Variants in EPSTI1 observed in about 807,000 individuals in gnomAD.
EPSTI1 encodes epithelial stromal interaction 1.
Under a neutral mutation model 49.9 loss-of-function variants are expected in EPSTI1, and 66 were observed. The observed-to-expected ratio is 1.32, with a 90% CI of 1.08 to 1.62. The LOEUF (loss-of-function observed/expected upper bound fraction) is 1.62, where lower values mean the gene tolerates loss of function less well. EPSTI1 is among the 40% of genes most tolerant of loss of function. The pLI, the probability that EPSTI1 is intolerant of heterozygous loss-of-function variation, is 0.00. For missense variants in EPSTI1, 394 were observed against 365.5 expected, an observed-to-expected ratio of 1.08 and a Z score of -0.64; for synonymous variants, 137 against 130.7, an observed-to-expected ratio of 1.05 and a Z score of -0.33.
intron 6 of EPSTI1, among the ~76,000 whole-genome samples, chr13:42,946,676 G>C (rs1414084304): frequency 6.6e-6 from 1 of 152,198 alleles, no homozygotes; most frequent in Admixed American, 6.5e-5. Flanking sequence ...TCTCTGAGCT[G>C]TCTGTCCCAC....
At chr13:42,982,936 C>A (rs965486259) in intron 1 of EPSTI1, among the ~76,000 whole-genome samples, 2 of 152,182 alleles carry the variant, frequency 1.3e-5, no homozygotes, top group Non-Finnish European at 2.9e-5. Context: ...CTAAGCTTCC[C>A]CAGTTTATGT....
intron 3 of EPSTI1, among the ~76,000 whole-genome samples, chr13:42,965,616 G>A (rs571271594): frequency 1.6e-4 from 25 of 151,998 alleles, no homozygotes; most frequent in African/African-American, 6.0e-4. Flanking sequence ...TGTGTTTTGA[G>A]GAAGGAGAAA....
intron 10 of EPSTI1, among the ~76,000 whole-genome samples, chr13:42,890,299 T>TTCTTTC (rs1161007490): frequency 6.3e-5 from 8 of 126,874 alleles, no homozygotes; most frequent in African/African-American, 2.3e-4. Flanking sequence ...TTCTTTTCTT[T>TTCTTTC]TTTTTTTTTT....
intron 6 of EPSTI1, among the ~76,000 whole-genome samples, chr13:42,951,151 C>T (rs142906491): frequency 0.019 from 2,826 of 149,334 alleles, 106 homozygotes; most frequent in African/African-American, 0.064. Flanking sequence ...AGCAAGACTC[C>T]ATTTCCAAAA....
intron 1 of EPSTI1, among the ~76,000 whole-genome samples, chr13:42,987,226 T>C (rs1337571339): frequency 1.3e-5 from 2 of 152,100 alleles, no homozygotes; most frequent in Non-Finnish European, 2.9e-5. Flanking sequence ...GGCAGTTTTG[T>C]GGGACTGAGC....
At chr13:42,941,068 G>C (rs192251159) in intron 6 of EPSTI1, among the ~76,000 whole-genome samples, 4 of 151,730 alleles carry the variant, frequency 2.6e-5, no homozygotes, top group East Asian at 1.9e-4. Context: ...AAATTTTTAC[G>C]TACTTAAAGC....
At chr13:42,965,490 G>C (rs2039578185) in intron 3 of EPSTI1, among the ~76,000 whole-genome samples, 1 of 152,122 alleles carries the variant, frequency 6.6e-6, no homozygotes, top group South Asian at 2.1e-4. Context: ...TCTGCAAGGA[G>C]GTAACTGAAA....
chr13:42,978,109 C>CG (rs1479098353), intron 1 of EPSTI1, among the ~76,000 whole-genome samples: 3 of 151,642 alleles, frequency 2.0e-5, no homozygotes, highest in African/African-American at 7.3e-5. Context: ...GCCAAGATCA[C>CG]GCCACTGCAC....
chr13:42,992,232 G>A lies in EPSTI1; in HGVS notation c.-67C>T. The A allele has an allele frequency of 6.9e-7, 1 of 1,452,856 alleles. No homozygotes were observed. Among genetic ancestry groups the A allele is most frequent in the Non-Finnish European group, 9.1e-7 (1 of 1,096,234 alleles). 90.0% of individuals were successfully genotyped at this position (1,452,856 alleles called of 1,614,324 possible). Reference sequence around the variant, plus strand: ...GGGATGCGGCTGGGACGCTTAGCGAGTCTCAAGATGGGATTCCAAAGTGCA... The same window carrying A: ...GGGATGCGGCTGGGACGCTTAGCGAATCTCAAGATGGGATTCCAAAGTGCA... On this transcript the variant is annotated 5_prime_UTR_variant, in exon 1 of 11. Transcript: ENST00000313624.
chr13:42,895,019 C>T lies in EPSTI1; in HGVS notation c.905G>A (p.Gly302Asp), dbSNP rs1205700186. 1.9e-6 allele frequency: 3 copies of T among 1,611,070 alleles called. No homozygotes were observed. The highest frequency in any genetic ancestry group is 3.4e-5 in the Admixed American group (2 of 59,694). The change falls in exon 10 of 11, where the codon GGT becomes GAT. Residue 302 changes from glycine to aspartate, a missense_variant. Gly to Asp is a moderately conservative substitution (Grantham distance 94). Coordinates refer to ENST00000313624, the MANE Select transcript of EPSTI1 (RefSeq NM_033255.5). ...QSGGCWNMNS[G>D]NSWGI ...AAAGAAAAAACTCACCCAGCTGTTA[C>T]CGCTATTCATATTCCAACAGCCTCC... is the stretch of plus-strand genomic sequence containing the variant.
rs1555262218 is a variant in EPSTI1 at position 42,927,012 on chromosome 13, C to CACACAA, written c.564-584_564-583insTTGTGT. On this transcript the variant is annotated intron_variant, in intron 6 of 10. Coordinates refer to ENST00000313624, the MANE Select transcript of EPSTI1 (RefSeq NM_033255.5). The stretch of plus-strand genomic sequence containing the variant: ...ACAGACACACACACACACACACACA[C>CACACAA]ACACACACACACACACAGTCCTTTG... Among the ~76,000 whole-genome samples, 29 of 151,736 alleles carry CACACAA rather than the reference C, an allele frequency of 1.9e-4. No individual in the cohort carries two copies. The East Asian group carries it at 4.5e-3, about 23-fold the overall frequency.
intron 8 of EPSTI1, among the ~76,000 whole-genome samples, chr13:42,909,876 G>T (rs1241809291): frequency 6.6e-6 from 1 of 152,058 alleles, no homozygotes; most frequent in Non-Finnish European, 1.5e-5. Flanking sequence ...GTACAGCAAG[G>T]TTAATGACAG....
intron 6 of EPSTI1, among the ~76,000 whole-genome samples, chr13:42,949,506 C>A (rs2039028673): frequency 6.6e-6 from 1 of 151,004 alleles, no homozygotes; most frequent in South Asian, 2.1e-4. Context: ...CGGGAGAAAT[C>A]GCCTGAACCC....
rs547346240 is a variant in EPSTI1, at chr13:42,905,208, G to A, written c.742-4825C>T. ...AGAGCAACATACATCATCCTATTAC[G>A]GAGGCAAGGAAAGGGGAGAAGAGAT... On this transcript the variant is annotated intron_variant, in intron 8 of 10. Transcript: ENST00000313624. Among the ~76,000 whole-genome samples the A allele has an allele frequency of 1.3e-4, 20 of 152,200 alleles. 1 individual carries two copies. The highest frequency in any genetic ancestry group is 2.6e-4 in the African/African-American group (11 of 41,524).
At chr13:42,933,199 T>G (rs1472243181) in intron 6 of EPSTI1, among the ~76,000 whole-genome samples, 3 of 152,122 alleles carry the variant, frequency 2.0e-5, no homozygotes, top group Non-Finnish European at 4.4e-5. Flanking sequence ...TTGATCATTG[T>G]ACTATGGTTG....
At chr13:42,905,735 C>T (rs138844232) in intron 8 of EPSTI1, among the ~76,000 whole-genome samples, 1 of 152,220 alleles carries the variant, frequency 6.6e-6, no homozygotes, top group African/African-American at 2.4e-5. Context: ...ACAGCTCCAC[C>T]CTGAAATAAA....
chr13:42,914,663 A>T (rs1036611901), intron 8 of EPSTI1, among the ~76,000 whole-genome samples: 19 of 152,318 alleles, frequency 1.2e-4, no homozygotes, highest in Admixed American at 3.9e-4. Context: ...GTCTTTTTTT[A>T]AATTTGCTAG....
chr13:42,888,220 C>T lies in EPSTI1; in HGVS notation c.*274G>A. The T allele has an allele frequency of 3.1e-6, 5 of 1,609,588 alleles. No homozygotes were observed. The highest frequency in any genetic ancestry group is 4.2e-6 in the Non-Finnish European group (5 of 1,177,122). On this transcript the variant is annotated 3_prime_UTR_variant, in exon 11 of 11. Coordinates refer to ENST00000313624, the MANE Select transcript of EPSTI1 (RefSeq NM_033255.5). ...TCAAGTGACTCCCTCTTTTTCTACC[C>T]TACCAACATCACTCTAATTATACTT...
chr13:42,903,044 T>A (rs572026657), intron 8 of EPSTI1, among the ~76,000 whole-genome samples: 36 of 152,332 alleles, frequency 2.4e-4, no homozygotes, highest in African/African-American at 8.2e-4. Context: ...CTGATTATTT[T>A]CACTTTCATT....
Sources: gnomAD v4.1 joint callset for allele counts (sites outside exome capture counted in the v4.1 genomes callset) on GRCh38, gnomAD v4.1.1 for gene constraint, MANE v1.5 for transcripts, NCBI Gene and HGNC (gene_info 2026-07-23, HGNC 2026-07-21) for gene names.